MAP3K2: variants seen among roughly 807,000 people sequenced by gnomAD.
MAP3K2 encodes MAP/ERK kinase kinase 2.
In MAP3K2, 24 loss-of-function variants were observed where a neutral mutation model predicts 80.3. That is an observed-to-expected ratio of 0.30 (90% CI 0.22 to 0.42). MAP3K2 has a LOEUF of 0.42. Ranked by LOEUF, MAP3K2 falls within the 10% of genes least tolerant of loss-of-function variation. The pLI, the probability that MAP3K2 is intolerant of heterozygous loss-of-function variation, is 1.00. For missense variants in MAP3K2, 608 were observed against 750.1 expected (o/e 0.81, Z 2.21); for synonymous variants, 244 against 253.7 (o/e 0.96, Z 0.36).
rs753001092 is a variant in MAP3K2, at chr2:127,317,667, C to T, written c.1288G>A (p.Glu430Lys). The T allele has an allele frequency of 6.3e-7, 1 of 1,585,554 alleles. No individual in the cohort carries two copies. The highest frequency in any genetic ancestry group is 8.6e-7 in the Non-Finnish European group (1 of 1,164,704). Residue 430 changes from glutamate to lysine, a missense_variant, in exon 14 of 17, where the codon GAA (glutamate) becomes AAA (lysine). Coordinates refer to ENST00000682094, the MANE Select transcript of MAP3K2 (RefSeq NM_001371910.2). The part of the protein sequence containing the change: ...QYYGCLRDPQ[E>K]KTLSIFMEYM... The stretch of plus-strand genomic sequence containing the variant: ...TCCATAAATATGGAAAGTGTTTTTT[C>T]CTGGGGATCCCTCAAACAGCCATAA...
At position 127,314,736 on chromosome 2, in the gene MAP3K2, A is replaced by G; in HGVS notation, c.1456+18T>C. The G allele has an allele frequency of 1.3e-6, 2 of 1,578,352 alleles. No individual in the cohort carries two copies. The highest frequency in any genetic ancestry group is 1.7e-6 in the Non-Finnish European group (2 of 1,154,710). ...CTAAGAACTGTGTACTTAAAATAGA[A>G]AATACCTCATTACTTACCTTTGATA... On this transcript the variant is annotated intron_variant, in intron 15 of 16. Coordinates refer to ENST00000682094, the MANE Select transcript of MAP3K2 (RefSeq NM_001371910.2).
chr2:127,301,717 T>G lies in MAP3K2; in HGVS notation c.*5862A>C, dbSNP rs185182008. On this transcript the variant is annotated 3_prime_UTR_variant, in exon 17 of 17. Coordinates refer to ENST00000682094, the MANE Select transcript of MAP3K2 (RefSeq NM_001371910.2). ...AATTAAAATGCACAATTATGAAAAA[T>G]AAGAATTCTATGAGACTGTATACAG... 71 of 152,214 alleles carry G rather than the reference T, an allele frequency of 4.7e-4. No individual in the cohort carries two copies. The highest frequency in any genetic ancestry group is 1.6e-3 in the African/African-American group (66 of 41,546). The allele number at this position is 152,214 out of a possible 1,614,324, so 9.4% of individuals were successfully genotyped here. A position where few individuals can be genotyped will look rare whatever the true frequency, so the allele number is the denominator to read the frequency against.
Position 127,308,600 on chromosome 2 carries a change from C to A in MAP3K2, c.1619G>T (p.Arg540Ile). The part of the protein sequence containing the change: ...PEVISGEGYG[R>I]KADIWSVACT... ...CAAAACCTACCAGATGTCTGCTTTT[C>A]TTCCATAGCCTTCTCCACTGATGAC... Residue 540 changes from arginine (R) to isoleucine (I), a missense_variant, in exon 16 of 17, where the codon AGA becomes ATA. By Grantham distance (97) the Arg-to-Ile change is moderately conservative (BLOSUM62 -3). This residue lies in a region of MAP3K2 where 88 missense variants were observed against 132.4 expected (regional missense o/e 0.66). Transcript: ENST00000682094. The A allele has an allele frequency of 6.4e-7, 1 of 1,552,040 alleles. No homozygotes were observed.
At chr2:127,385,217 A>G (rs1574012599) in intron 1 of MAP3K2, among the ~76,000 whole-genome samples, 2 of 152,154 alleles carry the variant, frequency 1.3e-5, no homozygotes, top group South Asian at 2.1e-4. Flanking sequence ...AAACTTCACT[A>G]ATGTCTTACT....
At chr2:127,326,209 T>G (rs747210046) in intron 8 of MAP3K2, among the ~76,000 whole-genome samples, 15 of 139,962 alleles carry the variant, frequency 1.1e-4, no homozygotes, top group Non-Finnish European at 1.7e-4. Context: ...ATTACATTAT[T>G]AGAAAATGTA....
chr2:127,387,995 A>C (rs1028233446), upstream of MAP3K2: 1 of 983,436 alleles, frequency 1.0e-6, no homozygotes, highest in Non-Finnish European at 1.2e-6. Flanking sequence ...AGCGCGGCGC[A>C]CGTCACGGCC....
At chr2:127,337,582 T>C (rs754475922) in intron 4 of MAP3K2, among the ~76,000 whole-genome samples, 156 bp downstream of exon 4, 3 of 152,242 alleles carry the variant, frequency 2.0e-5, no homozygotes, top group Non-Finnish European at 4.4e-5. Flanking sequence ...TTATCTATCT[T>C]AAGTCTAAGC....
chr2:127,330,013 A>G lies in MAP3K2; in HGVS notation c.379-5T>C, dbSNP rs1271556157. On this transcript the variant is annotated splice_region_variant and splice_polypyrimidine_tract_variant and intron_variant, in intron 6 of 16. Coordinates refer to ENST00000682094, the MANE Select transcript of MAP3K2 (RefSeq NM_001371910.2). ...CAATGGTTCTAAATTAGTAGCCTAC[A>G]AAGGAGAAAAGACAGTTAATGCTAT... 1 of 1,533,110 alleles carries G rather than the reference A, an allele frequency of 6.5e-7. No individual in the cohort carries two copies. The highest frequency in any genetic ancestry group is 9.0e-7 in the Non-Finnish European group (1 of 1,107,804). The allele number at this position is 1,533,110 out of a possible 1,614,324, so 95.0% of individuals were successfully genotyped here.
chr2:127,325,933 C>A, intron 8 of MAP3K2, 126 bp from the exon 9 acceptor site: 1 of 652,078 alleles, frequency 1.5e-6, no homozygotes. Context: ...GTATACAAGT[C>A]AAGGCTTTTA....
At chr2:127,324,602 T>A (rs1434348216) in intron 9 of MAP3K2, among the ~76,000 whole-genome samples, 1 of 152,066 alleles carries the variant, frequency 6.6e-6, no homozygotes, top group Non-Finnish European at 1.5e-5. Flanking sequence ...TGTACATAAG[T>A]AAGGTATCCA....
intron 1 of MAP3K2, among the ~76,000 whole-genome samples, chr2:127,361,041 C>T (rs905351715): frequency 1.3e-5 from 2 of 152,070 alleles, no homozygotes; most frequent in South Asian, 2.1e-4. Context: ...AGGCAGGGCG[C>T]GGTGGCTCAA....
Position 127,308,629 on chromosome 2 carries a change from A to G in MAP3K2, c.1590T>C (p.Pro530=), listed in dbSNP as rs199655254. The change falls in exon 16 of 17, where the codon CCT becomes CCC. Residue 530 remains proline, a synonymous_variant. Transcript: ENST00000682094. ...CATAGCCTTCTCCACTGATGACTTC[A>G]GGGCTCATCCAGTATGGTGTGCCCG... ...SVTGTPYWMS[P]EVISGEGYGR... The G allele has an allele frequency of 3.7e-4, 590 of 1,612,760 alleles. 3 individuals are homozygous for G. In the African/African-American group the frequency reaches 6.9e-3, roughly 19 times the overall value.
rs1685636771 is a variant in MAP3K2 at position 127,303,475 on chromosome 2, G to C, written c.*4104C>G. ...GTTGGGGAGGGGATCCCTCTAGTTT[G>C]GAGATACTTTTACTCTAATCCCTGT... On this transcript the variant is annotated 3_prime_UTR_variant, in exon 17 of 17. Coordinates refer to ENST00000682094, the MANE Select transcript of MAP3K2 (RefSeq NM_001371910.2). 6.6e-6 allele frequency: 1 copy of C among 152,064 alleles called. No homozygotes were observed. The highest frequency in any genetic ancestry group is 1.5e-5 in the Non-Finnish European group (1 of 67,992). The allele number at this position is 152,064 out of a possible 1,614,324, so 9.4% of individuals were successfully genotyped here. A position where few individuals can be genotyped will look rare whatever the true frequency, so the allele number is the denominator to read the frequency against.
At chr2:127,337,851 T>C (rs1202366629) in intron 3 of MAP3K2, 73 bp from the exon 4 acceptor site, 4 of 904,662 alleles carry the variant, frequency 4.4e-6, no homozygotes, top group Non-Finnish European at 6.6e-6. Context: ...ATTTCTACAA[T>C]TTCTAAATGA....
rs1426448604 is a variant in MAP3K2 at position 127,387,456 on chromosome 2, T to A, written c.-70A>T. 1.8e-5 allele frequency: 18 copies of A among 980,216 alleles called. No individual in the cohort carries two copies. Among genetic ancestry groups the A allele is most frequent in the Non-Finnish European group, 1.8e-5 (15 of 829,980 alleles). 60.7% of individuals were successfully genotyped at this position (980,216 alleles called of 1,614,324 possible). A position where few individuals can be genotyped will look rare whatever the true frequency, so the allele number is the denominator to read the frequency against. ...CGCACGCACACACGCACGTACCGGC[T>A]GCTCCGCAGGGACGTAGAGAGCCGC... On this transcript the variant is annotated 5_prime_UTR_variant, in exon 1 of 17. Coordinates refer to ENST00000682094, the MANE Select transcript of MAP3K2 (RefSeq NM_001371910.2).
Position 127,350,460 on chromosome 2 carries a change from A to C in MAP3K2, c.-65-7266T>G, listed in dbSNP as rs145929090. Reference sequence around the variant, plus strand: ...CCTGAAACAAAAACAAAAACAAAAAAAAAAAAAAAAAGAAAGAAGAAAACC... The same window carrying C: ...CCTGAAACAAAAACAAAAACAAAAACAAAAAAAAAAAGAAAGAAGAAAACC... On this transcript the variant is annotated intron_variant, in intron 1 of 16. Transcript: ENST00000682094. Among the ~76,000 whole-genome samples the C allele has an allele frequency of 9.7e-4, 146 of 150,292 alleles. 1 individual carries two copies. Among genetic ancestry groups the C allele is most frequent in the South Asian group, 4.0e-3 (19 of 4,732 alleles).
At chr2:127,309,837 T>C (rs554658168) in intron 15 of MAP3K2, among the ~76,000 whole-genome samples, 2 of 152,316 alleles carry the variant, frequency 1.3e-5, no homozygotes, top group South Asian at 2.1e-4. Context: ...GTCAACATCA[T>C]TGTTGATGCT....
At position 127,322,131 on chromosome 2, in the gene MAP3K2, C is replaced by T. The variant is rs1402256394; in HGVS notation, c.960G>A (p.Glu320=). The change falls in exon 12 of 17, where the codon GAG becomes GAA. Residue 320 remains glutamate, a synonymous_variant. Coordinates refer to ENST00000682094, the MANE Select transcript of MAP3K2 (RefSeq NM_001371910.2). The surrounding 1 kb of genome is among the most constrained non-coding windows in gnomAD (Gnocchi z 4.2). ...TSSGSSIFTP[E]YDDSRIRRRG... ...TTCTTCTTATTCGACTATCATCATA[C>T]TCTGGGGTAAAGATACTGCTTCCAC... 1 of 1,613,856 alleles carries T rather than the reference C, an allele frequency of 6.2e-7. No individual in the cohort carries two copies. The highest frequency in any genetic ancestry group is 8.5e-7 in the Non-Finnish European group (1 of 1,179,832).
rs1252660787 is a variant in MAP3K2, at chr2:127,301,238, CA to C, written c.*6340del. 6.6e-6 allele frequency: 1 copy of C among 152,198 alleles called. No homozygotes were observed. The highest frequency in any genetic ancestry group is 1.5e-5 in the Non-Finnish European group (1 of 68,032). The allele number at this position is 152,198 out of a possible 1,614,324, so 9.4% of individuals were successfully genotyped here. A position where few individuals can be genotyped will look rare whatever the true frequency, so the allele number is the denominator to read the frequency against. ...TTGCTGAAATGCCCCTCAAGTCAAA[CA>C]TAAGTTCATAAATGTTAAGACACTA... On this transcript the variant is annotated 3_prime_UTR_variant, in exon 17 of 17. Coordinates refer to ENST00000682094, the MANE Select transcript of MAP3K2 (RefSeq NM_001371910.2).
Sources: gnomAD v4.1 joint callset for allele counts (sites outside exome capture counted in the v4.1 genomes callset) on GRCh38, gnomAD v4.1.1 for gene constraint, gnomAD v4.1.1 regional missense constraint, Gnocchi (gnomAD v3.1) non-coding constraint, MANE v1.5 for transcripts, NCBI Gene and HGNC (gene_info 2026-07-23, HGNC 2026-07-21) for gene names.